Variants in MCF2 observed in about 807,000 individuals in gnomAD.
MCF2 encodes the protein proto-oncogene DBL.
A neutral mutation model predicts 82.5 loss-of-function variants in MCF2; 44 were observed. That is an observed-to-expected ratio of 0.53 (90% CI 0.42 to 0.69). The LOEUF (loss-of-function observed/expected upper bound fraction) is 0.69. Among genes scored for constraint, MCF2 ranks in the 30% least tolerant of loss-of-function variants. The pLI is 0.00. For synonymous variants in MCF2, 217 were observed against 224.9 expected (o/e 0.96, Z 0.32); for missense variants, 623 against 663.1 (o/e 0.94, Z 0.66).
exon 14 of MCF2, chrX:139,604,931 G>A: frequency 1.7e-6 from 2 of 1,202,252 alleles, no homozygotes; most frequent in Non-Finnish European, 2.2e-6. Flanking sequence ...TATTTCTCAG[G>A]AGAGGTGGCA....
intron 1 of MCF2, among the ~76,000 whole-genome samples, chrX:139,640,682 G>A (rs1933508628): frequency 9.0e-6 from 1 of 110,912 alleles, no homozygotes; most frequent in Non-Finnish European, 1.9e-5. Flanking sequence ...CCTTCAAGGT[G>A]AAACCATTTT....
At chrX:139,602,032 C>A (rs1569350472) in intron 16 of MCF2, among the ~76,000 whole-genome samples, 3 of 111,089 alleles carry the variant, frequency 2.7e-5, no homozygotes, top group Non-Finnish European at 5.7e-5. Flanking sequence ...TCAATCTAAC[C>A]AAAATTACGA....
intron 1 of MCF2, among the ~76,000 whole-genome samples, chrX:139,637,137 C>A (rs2148504333): frequency 9.0e-6 from 1 of 111,399 alleles, no homozygotes; most frequent in South Asian, 3.8e-4. Context: ...ATTTTATAAT[C>A]TTTTTTGCAT....
At chrX:139,676,047 G>C (rs1934854784) in intron 1 of MCF2, among the ~76,000 whole-genome samples, 1 of 112,651 alleles carries the variant, frequency 8.9e-6, no homozygotes, top group African/African-American at 3.2e-5. Context: ...CCCTCCCCCT[G>C]CTAGGCTGCT....
chrX:139,588,268 T>G, intron 21 of MCF2, 92 bp downstream of exon 25: 1 of 588,567 alleles, frequency 1.7e-6, no homozygotes, highest in Non-Finnish European at 2.7e-6. Context: ...AAAGTAAATA[T>G]CAGCCCCATT....
intron 1 of MCF2, among the ~76,000 whole-genome samples, chrX:139,639,677 G>A (rs1265365467): frequency 1.8e-5 from 2 of 111,533 alleles, no homozygotes; most frequent in Non-Finnish European, 3.8e-5. Context: ...TTTCACTACC[G>A]AAGTCTAGAA....
intron 1 of MCF2, among the ~76,000 whole-genome samples, chrX:139,669,606 G>C (rs1934623198): frequency 8.9e-6 from 1 of 111,923 alleles, no homozygotes; most frequent in Non-Finnish European, 1.9e-5. Context: ...AATGTTAATA[G>C]CCACATTATT....
At chrX:139,595,864 C>A (rs1178107965) in intron 19 of MCF2, among the ~76,000 whole-genome samples, 1 of 111,514 alleles carries the variant, frequency 9.0e-6, no homozygotes, top group East Asian at 2.8e-4. Flanking sequence ...ATTGGAGAAA[C>A]CAGCTGTAAG....
At chrX:139,653,271 C>T (rs991641734) in intron 1 of MCF2, among the ~76,000 whole-genome samples, 2 of 111,839 alleles carry the variant, frequency 1.8e-5, no homozygotes, top group African/African-American at 3.3e-5. Context: ...ACACTTTCTC[C>T]CCTGAGGAGC....
rs1269879383 is a variant in MCF2 at position 139,590,263 on chromosome X, T to C, written c.2278-336A>G. Among the ~76,000 whole-genome samples the C allele has an allele frequency of 2.7e-5, 3 of 111,033 alleles. No individual in the cohort carries two copies. In the East Asian group the frequency reaches 8.5e-4, roughly 31 times the overall value. ...CAAATTATTGAGTCAAACACAGAAG[T>C]CATTAAACATCAATAAAGAAAAGCC... is the stretch of plus-strand genomic sequence containing the variant. On this transcript the variant is annotated intron_variant, in intron 19 of 24. Coordinates refer to ENST00000370576, the Ensembl canonical transcript of MCF2.
chrX:139,689,408 C>A (rs1725814381), intron 1 of MCF2, among the ~76,000 whole-genome samples: 1 of 111,289 alleles, frequency 9.0e-6, no homozygotes, highest in Admixed American at 9.6e-5. Flanking sequence ...AGGGGTTTTG[C>A]AGTGCACAAC....
chrX:139,608,261 T>A (rs1192376115), intron 11 of MCF2, among the ~76,000 whole-genome samples: 1 of 110,555 alleles, frequency 9.0e-6, no homozygotes, highest in East Asian at 2.9e-4. Flanking sequence ...AATGATTCGA[T>A]GGCATCATCA....
In MCF2 at chrX:139,624,371, TC is replaced by T. The variant is rs201316231; in HGVS notation, c.687+1821del. On this transcript the variant is annotated intron_variant, in intron 6 of 24. Coordinates refer to ENST00000370576, the Ensembl canonical transcript of MCF2. Reference sequence around the variant, plus strand: ...GCCTGGGCAACACAGTGAGACCCCATCCCCACAAAAATTAAAAAGTTAGCCA... The same window carrying T: ...GCCTGGGCAACACAGTGAGACCCCATCCCACAAAAATTAAAAAGTTAGCCA... Among the ~76,000 whole-genome samples, 9 of 109,225 alleles carry T rather than the reference TC, an allele frequency of 8.2e-5. No homozygotes were observed. The East Asian group carries it at 2.6e-3, about 32-fold the overall frequency. The allele number at this position is 109,225 out of a possible 115,157, so 94.8% of individuals were successfully genotyped here.
intron 1 of MCF2, among the ~76,000 whole-genome samples, chrX:139,665,003 C>T (rs1347568991): frequency 9.0e-6 from 1 of 111,194 alleles, no homozygotes; most frequent in Non-Finnish European, 1.9e-5. Context: ...GGCCTCATGA[C>T]TCTGCTTGGT....
intron 16 of MCF2, 62 bp from the exon 21 acceptor site, chrX:139,598,560 A>T (rs1930285011): frequency 1.7e-6 from 1 of 605,891 alleles, no homozygotes; most frequent in Admixed American, 4.0e-5. Context: ...GAAAATGCCA[A>T]GTGTTCATTG....
chrX:139,626,443 C>T, intron 5 of MCF2, 136 bp from the exon 9 acceptor site: 1 of 591,389 alleles, frequency 1.7e-6, no homozygotes, highest in African/African-American at 2.3e-5. Flanking sequence ...ATAGAGACAA[C>T]CAATGTCCAC....
At chrX:139,628,459 G>T (rs1001393598) in intron 4 of MCF2, among the ~76,000 whole-genome samples, 4 of 111,024 alleles carry the variant, frequency 3.6e-5, no homozygotes, top group African/African-American at 1.3e-4. Context: ...ATAGACAGTG[G>T]GGACTACTAG....
In MCF2 at chrX:139,584,659, G is replaced by T. The variant is rs755352741; in HGVS notation, c.2745+407C>A. ...TATATCCCCCAGATGTTATTAAATC[G>T]TTTTTAATGTATAATGCTTATTTCC... On this transcript the variant is annotated intron_variant, in intron 24 of 24. Coordinates refer to ENST00000370576, the Ensembl canonical transcript of MCF2. Among the ~76,000 whole-genome samples, 14 of 111,749 alleles carry T rather than the reference G, an allele frequency of 1.3e-4. No homozygotes were observed. The South Asian group carries it at 2.3e-3, about 18-fold the overall frequency.
At chrX:139,627,673 T>G (rs1330554585) in intron 4 of MCF2, among the ~76,000 whole-genome samples, 1 of 111,852 alleles carries the variant, frequency 8.9e-6, no homozygotes, top group East Asian at 2.8e-4. Flanking sequence ...GTACCAACTA[T>G]GTACGGAACA....
Sources: gnomAD v4.1 joint callset for allele counts (sites outside exome capture counted in the v4.1 genomes callset) on GRCh38, gnomAD v4.1.1 for gene constraint, MANE v1.5 for transcripts, NCBI Gene and HGNC (gene_info 2026-07-23, HGNC 2026-07-21) for gene names.